Variants in GTSE1 observed in about 807,000 individuals in gnomAD.
GTSE1 encodes G2 and S-phase expressed 1.
A neutral mutation model predicts 60.5 loss-of-function variants in GTSE1; 52 were observed. That is an observed-to-expected ratio of 0.86 (90% CI 0.69 to 1.08). The LOEUF (loss-of-function observed/expected upper bound fraction) is 1.08. GTSE1 is among the 50% of genes least tolerant of loss of function. The pLI is 0.00. For missense variants in GTSE1, 937 were observed against 961.8 expected, an observed-to-expected ratio of 0.97 and a Z score of 0.34; for synonymous variants, 368 against 386.5, an observed-to-expected ratio of 0.95 and a Z score of 0.56.
rs1477817606 is a variant in GTSE1 at position 46,297,224 on chromosome 22, C to G, written c.-21-156C>G. Among the ~76,000 whole-genome samples, 1 of 152,206 alleles carries G rather than the reference C, an allele frequency of 6.6e-6. No homozygotes were observed. Among genetic ancestry groups the G allele is most frequent in the Non-Finnish European group, 1.5e-5 (1 of 68,034 alleles). On this transcript the variant is annotated intron_variant, in intron 1 of 11. Coordinates refer to ENST00000454366, the MANE Select transcript of GTSE1 (RefSeq NM_016426.7). This position sits in a 1 kb window ranked among gnomAD's most constrained non-coding sequence, Gnocchi z 4.9. Reference sequence around the variant, plus strand: ...GGCGGCACTCGGGCCCTGGGGTCCCCTGGGATGCGATCATTTCAGAGCGGC... The same window carrying G: ...GGCGGCACTCGGGCCCTGGGGTCCCGTGGGATGCGATCATTTCAGAGCGGC...
Position 46,320,634 on chromosome 22 carries a change from A to C in GTSE1, c.1433-2556A>C, listed in dbSNP as rs2077807115. ...GAGGCTTTCATATGTGCACTTTCTC[A>C]AAATACTCGAGGCAAGCAGCATTCT... On this transcript the variant is annotated intron_variant, in intron 7 of 11. Coordinates refer to ENST00000454366, the MANE Select transcript of GTSE1 (RefSeq NM_016426.7). The surrounding 1 kb of genome is among the most constrained non-coding windows in gnomAD (Gnocchi z 7.1). Among the ~76,000 whole-genome samples, 1 of 152,212 alleles carries C rather than the reference A, an allele frequency of 6.6e-6. No homozygotes were observed. Among genetic ancestry groups the C allele is most frequent in the Non-Finnish European group, 1.5e-5 (1 of 68,044 alleles).
intron 2 of GTSE1, among the ~76,000 whole-genome samples, chr22:46,303,422 C>G (rs12167924): frequency 0.036 from 5,521 of 152,156 alleles, 337 homozygotes; most frequent in African/African-American, 0.13. Context: ...TTCTTTTATC[C>G]TTTTACTACT....
In GTSE1 at chr22:46,328,867, G is replaced by C; in HGVS notation, c.1904G>C (p.Gly635Ala). 1.2e-6 allele frequency: 2 copies of C among 1,613,734 alleles called. No homozygotes were observed. Among genetic ancestry groups the C allele is most frequent in the South Asian group, 2.2e-5 (2 of 91,078 alleles). Residue 635 changes from glycine to alanine, a missense_variant, in exon 10 of 12, where the codon GGT (glycine) becomes GCT (alanine). By Grantham distance (60) the Gly-to-Ala change is moderately conservative. Transcript: ENST00000454366. ...GTAGCTCGGGAGGAAGCCAAGCCGG[G>C]TGGAGATGCAGCCCCTAGTGAGGTG... ...TEVAREEAKPGGDAAPSEALL... is the reference protein window; with the variant it reads ...TEVAREEAKPAGDAAPSEALL...
At chr22:46,299,862 G>C (rs144139458) in intron 2 of GTSE1, among the ~76,000 whole-genome samples, 1,521 of 150,286 alleles carry the variant, frequency 0.01, 22 homozygotes, top group African/African-American at 0.033. Context: ...GCGTGATCTC[G>C]GCTTACTGCA....
chr22:46,321,843 G>A lies in GTSE1; in HGVS notation c.1433-1347G>A, dbSNP rs963967480. 6.6e-6 allele frequency among the ~76,000 whole-genome samples: 1 copy of A among 152,150 alleles called. No individual in the cohort carries two copies. Among genetic ancestry groups the A allele is most frequent in the Non-Finnish European group, 1.5e-5 (1 of 68,016 alleles). ...TAATCCCAGCACTTTGGGAGGCCGA[G>A]GCGGGCAATCACTTGAGGTCAGGAG... On this transcript the variant is annotated intron_variant, in intron 7 of 11. Coordinates refer to ENST00000454366, the MANE Select transcript of GTSE1 (RefSeq NM_016426.7). This position sits in a 1 kb window ranked among gnomAD's most constrained non-coding sequence, Gnocchi z 4.0.
At position 46,330,658 on chromosome 22, in the gene GTSE1, T is replaced by C. The variant is rs1480650813; in HGVS notation, c.*528T>C. On this transcript the variant is annotated 3_prime_UTR_variant, in exon 12 of 12. Coordinates refer to ENST00000454366, the MANE Select transcript of GTSE1 (RefSeq NM_016426.7). This position sits in a 1 kb window ranked among gnomAD's most constrained non-coding sequence, Gnocchi z 6.0. ...CTCGCTGCCATTCTCTGGGCTGGAA[T>C]GTGAAGCCTCAGTCACTCTAAATGA... is the stretch of plus-strand genomic sequence containing the variant. The C allele has an allele frequency of 6.6e-6, 1 of 152,486 alleles. No individual in the cohort carries two copies. Among genetic ancestry groups the C allele is most frequent in the African/African-American group, 2.4e-5 (1 of 41,442 alleles). 9.4% of individuals were successfully genotyped at this position (152,486 alleles called of 1,614,324 possible). A position where few individuals can be genotyped will look rare whatever the true frequency, so the allele number is the denominator to read the frequency against.
At chr22:46,305,712 G>C (rs1025540035) in intron 2 of GTSE1, among the ~76,000 whole-genome samples, 3 of 151,740 alleles carry the variant, frequency 2.0e-5, no homozygotes, top group African/African-American at 7.3e-5. Context: ...TTTGAGACCA[G>C]CCTGGCCAAC....
intron 3 of GTSE1, 42 bp downstream of exon 3, chr22:46,308,249 C>T (rs1312425365): frequency 6.2e-7 from 1 of 1,604,300 alleles, no homozygotes; most frequent in Non-Finnish European, 8.5e-7. Flanking sequence ...GGCATAACCA[C>T]ATTCAGTAAA....
rs1408089842 is a variant in GTSE1, at chr22:46,318,502, C to T, written c.1432+2090C>T. The stretch of plus-strand genomic sequence containing the variant: ...TATCAGATGAGCAGGCCTGCAGATC[C>T]TAGCACAACAAAGGGACTAAGGGAA... On this transcript the variant is annotated intron_variant, in intron 7 of 11. Coordinates refer to ENST00000454366, the MANE Select transcript of GTSE1 (RefSeq NM_016426.7). The surrounding 1 kb of genome is among the most constrained non-coding windows in gnomAD (Gnocchi z 4.8). Among the ~76,000 whole-genome samples, 1 of 152,146 alleles carries T rather than the reference C, an allele frequency of 6.6e-6. No homozygotes were observed. Among genetic ancestry groups the T allele is most frequent in the Non-Finnish European group, 1.5e-5 (1 of 68,018 alleles).
rs1293472802 is a variant in GTSE1 at position 46,314,173 on chromosome 22, G to A, written c.1051+160G>A. Among the ~76,000 whole-genome samples, 2 of 152,200 alleles carry A rather than the reference G, an allele frequency of 1.3e-5. No homozygotes were observed. The highest frequency in any genetic ancestry group is 2.9e-5 in the Non-Finnish European group (2 of 68,032). ...GGACCAGGCTGTGGACTGAGTTGCT[G>A]TACCTGCCCTCAGTGCCTCTGTCCC... is the stretch of plus-strand genomic sequence containing the variant. On this transcript the variant is annotated intron_variant, in intron 6 of 11. Transcript: ENST00000454366. This position sits in a 1 kb window ranked among gnomAD's most constrained non-coding sequence, Gnocchi z 7.1.
rs2077797166 is a variant in GTSE1 at position 46,319,048 on chromosome 22, A to G, written c.1432+2636A>G. On this transcript the variant is annotated intron_variant, in intron 7 of 11. Coordinates refer to ENST00000454366, the MANE Select transcript of GTSE1 (RefSeq NM_016426.7). This position sits in a 1 kb window ranked among gnomAD's most constrained non-coding sequence, Gnocchi z 5.0. ...GCTTCCCTGCACAGGATGCTAGGACACGTTGTCTTTATTCCGCACACAGCT... is the reference window on the plus strand; with the variant it reads ...GCTTCCCTGCACAGGATGCTAGGACGCGTTGTCTTTATTCCGCACACAGCT... Among the ~76,000 whole-genome samples, 1 of 152,230 alleles carries G rather than the reference A, an allele frequency of 6.6e-6. No individual in the cohort carries two copies. Among genetic ancestry groups the G allele is most frequent in the African/African-American group, 2.4e-5 (1 of 41,452 alleles).
At chr22:46,299,913 C>T (rs2077679764) in intron 2 of GTSE1, among the ~76,000 whole-genome samples, 1 of 150,564 alleles carries the variant, frequency 6.6e-6, no homozygotes, top group South Asian at 2.1e-4. Context: ...CTGCCTCAGC[C>T]TCCTGAGTAT....
rs1364018010 is a variant in GTSE1 at position 46,328,868 on chromosome 22, T to G, written c.1905T>G (p.Gly635=). Residue 635 remains glycine, a synonymous_variant, in exon 10 of 12, where the codon GGT becomes GGG. Coordinates refer to ENST00000454366, the MANE Select transcript of GTSE1 (RefSeq NM_016426.7). ...TAGCTCGGGAGGAAGCCAAGCCGGG[T>G]GGAGATGCAGCCCCTAGTGAGGTGG... is the stretch of plus-strand genomic sequence containing the variant. ...TEVAREEAKP[G]GDAAPSEALL... 6.2e-7 allele frequency: 1 copy of G among 1,613,122 alleles called. No homozygotes were observed. The highest frequency in any genetic ancestry group is 8.5e-7 in the Non-Finnish European group (1 of 1,179,720).
chr22:46,304,728 C>T lies in GTSE1; in HGVS notation c.80-3422C>T, dbSNP rs563681532. Among the ~76,000 whole-genome samples, 8 of 152,298 alleles carry T rather than the reference C, an allele frequency of 5.3e-5. No individual in the cohort carries two copies. The East Asian group carries it at 1.5e-3, about 29-fold the overall frequency. On this transcript the variant is annotated intron_variant, in intron 2 of 11. Transcript: ENST00000454366. The surrounding 1 kb of genome is among the most constrained non-coding windows in gnomAD (Gnocchi z 4.4). The stretch of plus-strand genomic sequence containing the variant: ...GTGTGGTAGCTCATACCTGTAATCC[C>T]AGCACTTTGGGAGGCCAAGGTAGGA...
At chr22:46,305,257 A>G (rs751006323) in intron 2 of GTSE1, among the ~76,000 whole-genome samples, 32 of 152,232 alleles carry the variant, frequency 2.1e-4, no homozygotes, top group African/African-American at 2.4e-5. Context: ...TTATTGAAGT[A>G]TTAAGATTTT....
intron 2 of GTSE1, among the ~76,000 whole-genome samples, chr22:46,306,519 C>T (rs985564346): frequency 6.6e-6 from 1 of 151,764 alleles, no homozygotes; most frequent in African/African-American, 2.4e-5. Context: ...CTTGCTGTGT[C>T]ACCCAGGCTG....
At chr22:46,325,659 T>C (rs1257426798) in intron 8 of GTSE1, among the ~76,000 whole-genome samples, 1 of 152,240 alleles carries the variant, frequency 6.6e-6, no homozygotes, top group African/African-American at 2.4e-5. Context: ...ATGTGCCCTC[T>C]TTTATAAGGG....
At chr22:46,323,597 A>G (rs1381370782) in intron 8 of GTSE1, among the ~76,000 whole-genome samples, 1 of 152,210 alleles carries the variant, frequency 6.6e-6, no homozygotes, top group Admixed American at 6.5e-5. Flanking sequence ...ATCTAGGCTG[A>G]GGCCCAGCAG....
chr22:46,319,369 T>C lies in GTSE1; in HGVS notation c.1432+2957T>C, dbSNP rs919015987. Among the ~76,000 whole-genome samples the C allele has an allele frequency of 6.6e-6, 1 of 151,738 alleles. No homozygotes were observed. Among genetic ancestry groups the C allele is most frequent in the African/African-American group, 2.4e-5 (1 of 41,280 alleles). On this transcript the variant is annotated intron_variant, in intron 7 of 11. Coordinates refer to ENST00000454366, the MANE Select transcript of GTSE1 (RefSeq NM_016426.7). The surrounding 1 kb of genome is among the most constrained non-coding windows in gnomAD (Gnocchi z 5.0). ...GGTAATGCGGACCTGGCCCTCACTG[T>C]GTTGGGGAGGAAGCTAGTGCTGGGG... is the stretch of plus-strand genomic sequence containing the variant.
Sources: gnomAD v4.1 joint callset for allele counts (sites outside exome capture counted in the v4.1 genomes callset) on GRCh38, gnomAD v4.1.1 for gene constraint, Gnocchi (gnomAD v3.1) non-coding constraint, MANE v1.5 for transcripts, NCBI Gene and HGNC (gene_info 2026-07-23, HGNC 2026-07-21) for gene names.